Variants in CYTH3 observed in about 807,000 individuals in gnomAD.
CYTH3 encodes cytohesin 3.
CYTH3 carries 23 observed loss-of-function variants against 55.1 expected under a neutral mutation model. That is an observed-to-expected ratio of 0.42 (90% CI 0.30 to 0.59). The LOEUF is 0.59. CYTH3 is among the 20% of genes least tolerant of loss of function. CYTH3 has a pLI of 0.20. For missense variants in CYTH3, 413 were observed against 524.8 expected, an observed-to-expected ratio of 0.79 and a Z score of 2.08; for synonymous variants, 249 against 194.9, an observed-to-expected ratio of 1.28 and a Z score of -2.31.
At chr7:6,189,941 C>CA (rs1318249976) in intron 2 of CYTH3, among the ~76,000 whole-genome samples, 1 of 152,030 alleles carries the variant, frequency 6.6e-6, no homozygotes, top group African/African-American at 2.4e-5. Context: ...GAGACTGAGG[C>CA]AGGAGAATGG....
intron 1 of CYTH3, among the ~76,000 whole-genome samples, chr7:6,196,491 T>G (rs112725849): frequency 0.023 from 3,413 of 149,656 alleles, 53 homozygotes; most frequent in Middle Eastern, 0.068. Flanking sequence ...CGGAATTTCA[T>G]TTTTGTTGCC....
At chr7:6,227,306 A>C (rs564549074) in intron 1 of CYTH3, among the ~76,000 whole-genome samples, 2 of 152,272 alleles carry the variant, frequency 1.3e-5, no homozygotes, top group Admixed American at 1.3e-4. Flanking sequence ...ATTTTGAAGG[A>C]ATTTTAAGCC....
At chr7:6,244,609 T>C (rs905975065) in intron 1 of CYTH3, among the ~76,000 whole-genome samples, 20 of 148,632 alleles carry the variant, frequency 1.3e-4, no homozygotes, top group African/African-American at 4.7e-4. Context: ...GGACTACCAG[T>C]ATACACCATC....
chr7:6,249,916 T>C (rs59267387), intron 1 of CYTH3, among the ~76,000 whole-genome samples: 1,815 of 152,268 alleles, frequency 0.012, 32 homozygotes, highest in African/African-American at 0.041. Context: ...ATACAATACG[T>C]TATCTCTAAC....
At position 6,164,798 on chromosome 7, in the gene CYTH3, G is replaced by A. The variant is rs1782938543; in HGVS notation, c.*146C>T. 1 of 898,100 alleles carries A rather than the reference G, an allele frequency of 1.1e-6. No individual in the cohort carries two copies. The highest frequency in any genetic ancestry group is 2.0e-5 in the Admixed American group (1 of 49,784). 55.6% of individuals were successfully genotyped at this position (898,100 alleles called of 1,614,324 possible). Reference sequence around the variant, plus strand: ...CCCAGCCACGGCACGAGGCCTTGGGGATACCACCTGGGCCACGGTATGCTC... The same window carrying A: ...CCCAGCCACGGCACGAGGCCTTGGGAATACCACCTGGGCCACGGTATGCTC... On this transcript the variant is annotated 3_prime_UTR_variant, in exon 13 of 13. Coordinates refer to ENST00000350796, the MANE Select transcript of CYTH3 (RefSeq NM_004227.4).
At chr7:6,201,738 G>C (rs114184160) in intron 1 of CYTH3, among the ~76,000 whole-genome samples, 226 of 152,246 alleles carry the variant, frequency 1.5e-3, no homozygotes, top group African/African-American at 5.0e-3. Context: ...TTGCTCTCAA[G>C]TTCTTAGGGT....
chr7:6,173,036 A>G, intron 6 of CYTH3: 1 of 1,075,126 alleles, frequency 9.3e-7, no homozygotes, highest in South Asian at 2.2e-5. Context: ...GACTCCCACC[A>G]GAAGCCCTGC....
intron 1 of CYTH3, among the ~76,000 whole-genome samples, chr7:6,237,140 C>T (rs1336882634): frequency 7.1e-6 from 1 of 141,566 alleles, no homozygotes; most frequent in African/African-American, 2.6e-5. Context: ...CCTCGGCAGG[C>T]GTTGCTTCAG....
intron 1 of CYTH3, among the ~76,000 whole-genome samples, chr7:6,251,328 CTTT>C (rs377700661): frequency 7.0e-6 from 1 of 141,876 alleles, no homozygotes; most frequent in Non-Finnish European, 1.5e-5. Flanking sequence ...TCAGACTATT[CTTT>C]TTTTTTTTTT....
At chr7:6,233,177 C>T (rs1779430398) in intron 1 of CYTH3, among the ~76,000 whole-genome samples, 2 of 152,168 alleles carry the variant, frequency 1.3e-5, no homozygotes, top group African/African-American at 2.4e-5. Context: ...GTTTTCAGCA[C>T]ACCAGTATAC....
rs1027863183 is a variant in CYTH3, at chr7:6,163,575, T to A, written c.*1369A>T. 6.6e-6 allele frequency: 1 copy of A among 152,278 alleles called. No homozygotes were observed. Among genetic ancestry groups the A allele is most frequent in the Admixed American group, 6.5e-5 (1 of 15,286 alleles). The allele number at this position is 152,278 out of a possible 1,614,324, so 9.4% of individuals were successfully genotyped here. A position where few individuals can be genotyped will look rare whatever the true frequency, so the allele number is the denominator to read the frequency against. On this transcript the variant is annotated 3_prime_UTR_variant, in exon 13 of 13. Coordinates refer to ENST00000350796, the MANE Select transcript of CYTH3 (RefSeq NM_004227.4). ...AGGTGGGGCCCAGATCCAGCCTTCC[T>A]TGAGCGGAGCACTGGGCACCTCCTA...
chr7:6,272,408 T>TCGGGGGGGGGGGCCC, intron 1 of CYTH3, 66 bp downstream of exon 1: 1 of 1,207,030 alleles, frequency 8.3e-7, no homozygotes, highest in Non-Finnish European at 1.1e-6. Flanking sequence ...CGCCGCGCCC[T>TCGGGGGGGGGGGCCC]CGACCCCCAG....
chr7:6,226,872 A>G (rs1779268142), intron 1 of CYTH3, among the ~76,000 whole-genome samples: 1 of 152,118 alleles, frequency 6.6e-6, no homozygotes, highest in African/African-American at 2.4e-5. Context: ...CGAGGTCAGG[A>G]GATCGAGACC....
At chr7:6,255,756 CTGTTT>C (rs1271891107) in intron 1 of CYTH3, among the ~76,000 whole-genome samples, 3 of 126,344 alleles carry the variant, frequency 2.4e-5, no homozygotes, top group African/African-American at 7.4e-5. Context: ...GACCTTTAAT[CTGTTT>C]TTTTTTTTTT....
At chr7:6,218,426 C>A (rs966062694) in intron 1 of CYTH3, among the ~76,000 whole-genome samples, 2 of 152,150 alleles carry the variant, frequency 1.3e-5, no homozygotes, top group African/African-American at 4.8e-5. Context: ...AGATGGAGCA[C>A]GGCCCATTGG....
chr7:6,201,803 T>C (rs1319151555), intron 1 of CYTH3, among the ~76,000 whole-genome samples: 1 of 152,020 alleles, frequency 6.6e-6, no homozygotes, highest in Admixed American at 6.6e-5. Flanking sequence ...TAAGAAGGCA[T>C]ACTAAAATTT....
chr7:6,162,125 C>G lies in CYTH3; in HGVS notation c.*2819G>C, dbSNP rs1470326182. ...AATAGGCATTGCTTTCTATGAAGCA[C>G]TAAGTGCTGCTCCATCTATAAATAG... On this transcript the variant is annotated 3_prime_UTR_variant, in exon 13 of 13. Transcript: ENST00000350796. The G allele has an allele frequency of 2.0e-5, 3 of 152,640 alleles. No homozygotes were observed. Among genetic ancestry groups the G allele is most frequent in the Non-Finnish European group, 4.4e-5 (3 of 68,050 alleles). 9.5% of individuals were successfully genotyped at this position (152,640 alleles called of 1,614,324 possible).
At chr7:6,201,418 G>C (rs555809639) in intron 1 of CYTH3, among the ~76,000 whole-genome samples, 42 of 152,328 alleles carry the variant, frequency 2.8e-4, no homozygotes, top group African/African-American at 1.0e-3. Flanking sequence ...TCCATGTGGT[G>C]ATCTTCACTG....
chr7:6,173,761 C>T (rs778819319), intron 5 of CYTH3, 28 bp from the exon 6 acceptor site: 1 of 1,326,958 alleles, frequency 7.5e-7, no homozygotes, highest in South Asian at 1.2e-5. Context: ...AAGTTTCAAA[C>T]CTAATGTACA....
Sources: allele counts gnomAD v4.1 joint callset (sites outside exome capture counted in the v4.1 genomes callset), GRCh38; gene constraint gnomAD v4.1.1; transcripts MANE v1.5; gene names NCBI Gene and HGNC (gene_info 2026-07-23, HGNC 2026-07-21).